The following FGF13 variants were observed in gnomAD, a reference collection of about 807,000 sequenced individuals.
FGF13 encodes fibroblast growth factor 13, also known as fibroblast growth factor homologous factor 2.
In FGF13, 2 loss-of-function variants were observed where a neutral mutation model predicts 19.5. The ratio of observed to expected loss-of-function variants is 0.10; its 90% CI spans 0.04 to 0.32. The LOEUF is 0.32. Ranked by LOEUF, FGF13 falls within the 10% of genes least tolerant of loss-of-function variation. The pLI, the probability that FGF13 is intolerant of heterozygous loss-of-function variation, is 1.00. For missense variants in FGF13, 113 were observed against 192.7 expected, an observed-to-expected ratio of 0.59 and a Z score of 2.45; for synonymous variants, 72 against 76.9, an observed-to-expected ratio of 0.94 and a Z score of 0.33.
chrX:138,660,590 ACTTACC>A (rs1284120747), intron 3 of FGF13, among the ~76,000 whole-genome samples: 5 of 111,499 alleles, frequency 4.5e-5, no homozygotes, highest in Admixed American at 9.5e-5. Context: ...CACCTCAAGC[ACTTACC>A]CTTTCTTTGT....
chrX:138,908,222 C>T (rs187826962), intron 1 of FGF13, among the ~76,000 whole-genome samples: 5,230 of 107,778 alleles, frequency 0.049, 368 homozygotes, highest in African/African-American at 0.17. Context: ...AGGCACCCGC[C>T]ACTGCGCCCG....
At chrX:138,653,098 T>A (rs2089394750) in intron 3 of FGF13, among the ~76,000 whole-genome samples, 1 of 112,005 alleles carries the variant, frequency 8.9e-6, no homozygotes, top group Non-Finnish European at 1.9e-5. Flanking sequence ...TCATGGGGGC[T>A]TAACACCTGA....
chrX:139,145,795 G>A (rs758656267), intron 1 of FGF13, among the ~76,000 whole-genome samples: 87 of 111,517 alleles, frequency 7.8e-4, no homozygotes, highest in Middle Eastern at 4.7e-3. Context: ...GGAAAATTAA[G>A]CTATTGTTTC....
At chrX:138,786,349 C>T (rs995152321) in intron 3 of FGF13, among the ~76,000 whole-genome samples, 23 of 111,185 alleles carry the variant, frequency 2.1e-4, no homozygotes, top group Admixed American at 2.0e-3. Context: ...TGGGATGGAA[C>T]TAAAGTATAA....
intron 3 of FGF13, among the ~76,000 whole-genome samples, chrX:138,753,256 G>A (rs2090409762): frequency 8.9e-6 from 1 of 112,171 alleles, no homozygotes; most frequent in Admixed American, 9.5e-5. Context: ...CTTATCTGGA[G>A]TGCTGTGTTT....
At chrX:139,108,914 C>T (rs2083581252) in intron 1 of FGF13, among the ~76,000 whole-genome samples, 1 of 106,010 alleles carries the variant, frequency 9.4e-6, no homozygotes, top group Non-Finnish European at 1.9e-5. Context: ...GTTCCGCTCC[C>T]ACTTATAAGT....
At chrX:138,714,571 G>GGAGGCGGAGGTTGCAGTGAGCCAA (rs2090083585), upstream of FGF13, among the ~76,000 whole-genome samples, 1 of 111,391 alleles carries the variant, frequency 9.0e-6, no homozygotes, top group African/African-American at 3.3e-5. Flanking sequence ...CTTGAACCCG[G>GGAGGCGGAGGTTGCAGTGAGCCAA]GAGGCGGAGG....
At chrX:138,771,173 C>T (rs937867051) in intron 3 of FGF13, among the ~76,000 whole-genome samples, 1 of 111,615 alleles carries the variant, frequency 9.0e-6, no homozygotes, top group Non-Finnish European at 1.9e-5. Flanking sequence ...TGCATCCTTG[C>T]TCCTGCTTAA....
intron 3 of FGF13, among the ~76,000 whole-genome samples, chrX:138,842,655 G>A (rs1198269615): frequency 9.0e-6 from 1 of 110,915 alleles, no homozygotes; most frequent in African/African-American, 3.3e-5. Context: ...AGGTGATTTT[G>A]CTCCTTATGG....
chrX:138,880,381 C>T (rs766787659), intron 1 of FGF13, among the ~76,000 whole-genome samples: 3 of 111,985 alleles, frequency 2.7e-5, no homozygotes, highest in East Asian at 2.8e-4. Context: ...CACATGCACA[C>T]GTATGTTTAC....
chrX:138,667,770 A>G (rs1429220261), intron 3 of FGF13: 1 of 345,391 alleles, frequency 2.9e-6, no homozygotes, highest in Admixed American at 2.7e-5. Flanking sequence ...GATAGAGTGC[A>G]GACCAGGGTC....
At chrX:138,685,338 C>A (rs1025154772) in intron 3 of FGF13, among the ~76,000 whole-genome samples, 1 of 111,042 alleles carries the variant, frequency 9.0e-6, no homozygotes, top group Non-Finnish European at 1.9e-5. Flanking sequence ...TTGTATCTTG[C>A]AAGAAAGCCA....
chrX:139,198,465 C>T (rs1209537165), intron 1 of FGF13, among the ~76,000 whole-genome samples: 1 of 111,739 alleles, frequency 8.9e-6, no homozygotes, highest in Non-Finnish European at 1.9e-5. Context: ...TCAACCACAA[C>T]CCTACACCAG....
intron 3 of FGF13, among the ~76,000 whole-genome samples, chrX:138,816,628 A>G (rs1428737420): frequency 8.9e-6 from 1 of 112,640 alleles, no homozygotes; most frequent in African/African-American, 3.2e-5. Flanking sequence ...TAAAACTTTA[A>G]CAAATGATTT....
rs1019723974 is a variant in FGF13, at chrX:138,629,934, G to C, written c.*2916C>G. On this transcript the variant is annotated 3_prime_UTR_variant, in exon 5 of 5. Coordinates refer to ENST00000315930, the MANE Select transcript of FGF13 (RefSeq NM_004114.5). Reference sequence around the variant, plus strand: ...TGTTTCCCACAACTATTTGACTAGAGTCTTTTTTTCTTTCATCAGTTATGT... The same window carrying C: ...TGTTTCCCACAACTATTTGACTAGACTCTTTTTTTCTTTCATCAGTTATGT... 36 of 111,208 alleles carry C rather than the reference G, an allele frequency of 3.2e-4. No individual in the cohort carries two copies. Among genetic ancestry groups the C allele is most frequent in the African/African-American group, 1.1e-3 (35 of 30,511 alleles). The allele number at this position is 111,208 out of a possible 1,213,427, so 9.2% of individuals were successfully genotyped here. A position where few individuals can be genotyped will look rare whatever the true frequency, so the allele number is the denominator to read the frequency against.
chrX:138,984,698 GAAGAAGAAGAGAAGGAGGAGGAGAAC>G (rs1461016823), intron 1 of FGF13, among the ~76,000 whole-genome samples: 1 of 13,832 alleles, frequency 7.2e-5, no homozygotes, highest in African/African-American at 1.7e-4. Context: ...AGGAGGAGAA[GAAGAAGAAGAGAAGGAGGAGGAGAAC>G]AAGAAGAAGA....
chrX:139,008,245 C>G (rs910196266), intron 1 of FGF13, among the ~76,000 whole-genome samples: 1 of 111,720 alleles, frequency 9.0e-6, no homozygotes, highest in Non-Finnish European at 1.9e-5. Context: ...AGATCATAAT[C>G]TCTCTGGAGC....
At chrX:138,772,787 G>A (rs183817031) in intron 3 of FGF13, among the ~76,000 whole-genome samples, 25 of 110,937 alleles carry the variant, frequency 2.3e-4, no homozygotes, top group African/African-American at 3.6e-4. Flanking sequence ...TTTGAAAACC[G>A]TCAAAATCCA....
chrX:138,861,922 G>A (rs951809292), intron 2 of FGF13, among the ~76,000 whole-genome samples: 21 of 111,678 alleles, frequency 1.9e-4, no homozygotes, highest in African/African-American at 6.8e-4. Context: ...AGAATTGCTC[G>A]AACCCAGGAG....
Sources: gnomAD v4.1 joint callset for allele counts (sites outside exome capture counted in the v4.1 genomes callset) on GRCh38, gnomAD v4.1.1 for gene constraint, MANE v1.5 for transcripts, NCBI Gene and HGNC (gene_info 2026-07-23, HGNC 2026-07-21) for gene names.